The following EYA4 variants were observed in gnomAD, a reference collection of about 807,000 sequenced individuals.
The protein encoded by EYA4 is protein phosphatase EYA4.
EYA4 carries 31 observed loss-of-function variants against 87.9 expected under a neutral mutation model. The observed-to-expected ratio is 0.35, with a 90% CI of 0.27 to 0.48. EYA4 has a LOEUF of 0.48. Among genes scored for constraint, EYA4 ranks in the 20% least tolerant of loss-of-function variants. The pLI, the probability that EYA4 is intolerant of heterozygous loss-of-function variation, is 0.99. For synonymous variants in EYA4, 263 were observed against 270.6 expected (o/e 0.97, Z 0.28); for missense variants, 678 against 761.4 (o/e 0.89, Z 1.29).
At chr6:133,248,261 T>C (rs781341663) in intron 1 of EYA4, 1 of 152,224 alleles carries the variant, frequency 6.6e-6, no homozygotes, top group Non-Finnish European at 1.5e-5. Context: ...CTATTTCTGT[T>C]ATCCTTTCCC....
At chr6:133,284,182 A>G (rs1318173067) in intron 2 of EYA4, among the ~76,000 whole-genome samples, 2 of 152,222 alleles carry the variant, frequency 1.3e-5, no homozygotes, top group Non-Finnish European at 2.9e-5. Context: ...TGAGAAATTT[A>G]AATTATTCCA....
intron 3 of EYA4, among the ~76,000 whole-genome samples, chr6:133,395,892 C>T (rs1234739567): frequency 6.6e-6 from 1 of 152,216 alleles, no homozygotes; most frequent in African/African-American, 2.4e-5. Flanking sequence ...AGAGAGTTTA[C>T]TTTCAAGAAA....
chr6:133,333,845 TG>T (rs1782163615), intron 2 of EYA4, among the ~76,000 whole-genome samples: 1 of 152,218 alleles, frequency 6.6e-6, no homozygotes, highest in African/African-American at 2.4e-5. Context: ...AAATTTTGAA[TG>T]TTACTACTAT....
At chr6:133,483,200 T>TTAAG in intron 13 of EYA4, 85 bp downstream of exon 13, 1 of 1,017,120 alleles carries the variant, frequency 9.8e-7, no homozygotes, top group Non-Finnish European at 1.5e-6. Flanking sequence ...AAAAATTCTT[T>TTAAG]TAAGTGTTTT....
intron 3 of EYA4, among the ~76,000 whole-genome samples, chr6:133,425,761 C>G (rs1790615861): frequency 6.6e-6 from 1 of 150,544 alleles, no homozygotes; most frequent in Non-Finnish European, 1.5e-5. Flanking sequence ...ACTGGCTTTC[C>G]CCTCTCTAAT....
chr6:133,415,831 C>G (rs1335142836), intron 3 of EYA4, among the ~76,000 whole-genome samples: 1 of 152,076 alleles, frequency 6.6e-6, no homozygotes, highest in Non-Finnish European at 1.5e-5. Flanking sequence ...AACTCATAGT[C>G]TAATGGGAGG....
At chr6:133,446,864 C>T in intron 4 of EYA4, 110 bp downstream of exon 4, 1 of 1,066,064 alleles carries the variant, frequency 9.4e-7, no homozygotes, top group Non-Finnish European at 1.4e-6. Context: ...TAACACAAAT[C>T]AGCATTATAT....
chr6:133,242,829 C>T (rs777861574), intron 1 of EYA4, among the ~76,000 whole-genome samples: 1 of 152,072 alleles, frequency 6.6e-6, no homozygotes, highest in Non-Finnish European at 1.5e-5. Flanking sequence ...CACCACCACC[C>T]CTCTTTCTCC....
chr6:133,436,731 C>A lies in EYA4; in HGVS notation c.84-9899C>A, dbSNP rs533853508. 2.0e-5 allele frequency among the ~76,000 whole-genome samples: 3 copies of A among 152,228 alleles called. No individual in the cohort carries two copies. The South Asian group carries it at 6.2e-4, about 32-fold the overall frequency. On this transcript the variant is annotated intron_variant, in intron 3 of 19. Transcript: ENST00000355286. ...GACTCTTGAGAATGTGGGAAATAGA[C>A]CCATGTCCACTTTATGCAAAGAGAA...
At chr6:133,465,407 G>A (rs1794758315) in intron 10 of EYA4, among the ~76,000 whole-genome samples, 1 of 152,074 alleles carries the variant, frequency 6.6e-6, no homozygotes, top group Non-Finnish European at 1.5e-5. Context: ...TTTCCTGACA[G>A]CTGCAACTTT....
At chr6:133,429,454 G>A (rs775804936) in intron 3 of EYA4, among the ~76,000 whole-genome samples, 3 of 152,156 alleles carry the variant, frequency 2.0e-5, no homozygotes, top group Non-Finnish European at 4.4e-5. Context: ...GCGGAAAAAT[G>A]CCCATGAGAG....
At chr6:133,503,875 C>G (rs1798356275) in intron 13 of EYA4, among the ~76,000 whole-genome samples, 1 of 152,010 alleles carries the variant, frequency 6.6e-6, no homozygotes, top group Non-Finnish European at 1.5e-5. Flanking sequence ...GCAAGGGGCC[C>G]TTCTGAGCTC....
intron 10 of EYA4, among the ~76,000 whole-genome samples, chr6:133,468,250 A>T (rs1795018454): frequency 6.6e-6 from 1 of 152,078 alleles, no homozygotes; most frequent in Non-Finnish European, 1.5e-5. Flanking sequence ...TCCTCTTCAA[A>T]CACGTAGGTC....
chr6:133,522,490 A>G (rs1421102048), intron 17 of EYA4, among the ~76,000 whole-genome samples: 1 of 152,122 alleles, frequency 6.6e-6, no homozygotes, highest in Non-Finnish European at 1.5e-5. Context: ...AATGTTCCCA[A>G]TGGGAAAACA....
chr6:133,294,540 A>G (rs568999037), intron 2 of EYA4, among the ~76,000 whole-genome samples: 1 of 150,848 alleles, frequency 6.6e-6, no homozygotes, highest in African/African-American at 2.4e-5. Context: ...TTGTGTTGTC[A>G]TTCAACATCG....
intron 3 of EYA4, among the ~76,000 whole-genome samples, chr6:133,405,221 C>G (rs1788604760): frequency 6.6e-6 from 1 of 152,066 alleles, no homozygotes; most frequent in Non-Finnish European, 1.5e-5. Flanking sequence ...TATCTGTCTT[C>G]CAAGGATCTT....
intron 3 of EYA4, among the ~76,000 whole-genome samples, chr6:133,427,616 G>C (rs1316912788): frequency 6.6e-6 from 1 of 152,066 alleles, no homozygotes; most frequent in Non-Finnish European, 1.5e-5. Flanking sequence ...CTCAAAATTT[G>C]ACACGTACTA....
In EYA4 at chr6:133,330,564, TATATAC is replaced by T. The variant is rs1392290667; in HGVS notation, c.34-51826_34-51821del. On this transcript the variant is annotated intron_variant, in intron 2 of 19. Transcript: ENST00000355286. ...ATACTGAGATTTATATATATATATA[TATATAC>T]ACACACACACACACACACACACATA... Among the ~76,000 whole-genome samples the T allele has an allele frequency of 1.3e-3, 70 of 54,868 alleles. No homozygotes were observed. In the Middle Eastern group the frequency reaches 0.026, roughly 21 times the overall value. 36.0% of individuals were successfully genotyped at this position (54,868 alleles called of 152,430 possible). A position where few individuals can be genotyped will look rare whatever the true frequency, so the allele number is the denominator to read the frequency against.
In EYA4 at chr6:133,332,904, G is replaced by A. The variant is rs547123363; in HGVS notation, c.34-49488G>A. ...CAGTTGTTTAGTCAGTTCAGTTTCT[G>A]CTGCTTTCTCTTGGATCTTTTCCAG... On this transcript the variant is annotated intron_variant, in intron 2 of 19. Transcript: ENST00000355286. 5.4e-4 allele frequency among the ~76,000 whole-genome samples: 82 copies of A among 151,994 alleles called. 1 individual carries two copies. Among genetic ancestry groups the A allele is most frequent in the Admixed American group, 5.2e-3 (80 of 15,258 alleles).
Sources: gnomAD v4.1 joint callset for allele counts (sites outside exome capture counted in the v4.1 genomes callset) on GRCh38, gnomAD v4.1.1 for gene constraint, MANE v1.5 for transcripts, NCBI Gene and HGNC (gene_info 2026-07-23, HGNC 2026-07-21) for gene names.